NISCH: variants seen among roughly 807,000 people sequenced by gnomAD.
NISCH encodes I-1 receptor candidate protein.
A neutral mutation model predicts 138.4 loss-of-function variants in NISCH; 55 were observed. The ratio of observed to expected loss-of-function variants is 0.40; its 90% confidence interval spans 0.32 to 0.50. The LOEUF is 0.50. NISCH is among the 20% of genes least tolerant of loss of function. NISCH has a pLI of 0.71. For synonymous variants in NISCH, 860 were observed against 861.5 expected (o/e 1.00, Z 0.03); for missense variants, 1,643 against 2,005.5 (o/e 0.82, Z 3.45).
At chr3:52,489,128 C>T (rs1707492371) in intron 16 of NISCH, among the ~76,000 whole-genome samples, 1 of 152,226 alleles carries the variant, frequency 6.6e-6, no homozygotes, top group African/African-American at 2.4e-5. Context: ...CAATCCTCCG[C>T]CTCAGCCTCC....
chr3:52,469,378 T>G (rs1706877000), intron 3 of NISCH, among the ~76,000 whole-genome samples: 1 of 152,236 alleles, frequency 6.6e-6, no homozygotes. Context: ...GGCCAAGGGC[T>G]TGAGTGTGGC....
At chr3:52,490,348 C>A in intron 18 of NISCH, 117 bp downstream of exon 18, 1 of 1,178,364 alleles carries the variant, frequency 8.5e-7, no homozygotes, top group Non-Finnish European at 1.2e-6. Flanking sequence ...GACTTGGCTG[C>A]AGTGGGCTGA....
Position 52,488,479 on chromosome 3 carries a change from G to A in NISCH, c.2987G>A (p.Arg996His), listed in dbSNP as rs528293970. Residue 996 changes from arginine (R) to histidine (H), a missense_variant, in exon 16 of 21, where the codon CGC becomes CAC. Transcript: ENST00000345716. ...CCCCACGAGAAGTTCCACTTCCTGC[G>A]CGTCTACAACCAGCTGCGGGCCTCG... Reference protein sequence around the residue: ...VLPHEKFHFLRVYNQLRASLQ... With the variant: ...VLPHEKFHFLHVYNQLRASLQ... 9.9e-6 allele frequency: 16 copies of A among 1,613,508 alleles called. No homozygotes were observed. Among genetic ancestry groups the A allele is most frequent in the East Asian group, 2.2e-5 (1 of 44,872 alleles).
At chr3:52,476,831 C>G (rs941122807) in intron 8 of NISCH, among the ~76,000 whole-genome samples, 14 of 151,960 alleles carry the variant, frequency 9.2e-5, no homozygotes, top group African/African-American at 3.4e-4. Context: ...GTCAGGAGTT[C>G]GAGACCAGCC....
At chr3:52,468,451 G>T (rs890981814) in intron 3 of NISCH, among the ~76,000 whole-genome samples, 1 of 152,210 alleles carries the variant, frequency 6.6e-6, no homozygotes, top group African/African-American at 2.4e-5. Flanking sequence ...AGGGAGGATT[G>T]CGAAGTACAG....
chr3:52,460,168 G>A (rs530018855), intron 3 of NISCH, among the ~76,000 whole-genome samples: 46 of 103,910 alleles, frequency 4.4e-4, no homozygotes, highest in Non-Finnish European at 6.4e-4. Context: ...GCAACAGAGT[G>A]AGAGTAAGAC....
chr3:52,486,828 G>A (rs1707413492), intron 15 of NISCH, among the ~76,000 whole-genome samples: 1 of 152,260 alleles, frequency 6.6e-6, no homozygotes, highest in Non-Finnish European at 1.5e-5. Flanking sequence ...GGGGTGACAA[G>A]TAGATTCATG....
rs764759991 is a variant in NISCH at position 52,457,972 on chromosome 3, C to T, written c.177+46C>T. 7.7e-6 allele frequency: 11 copies of T among 1,431,008 alleles called. No homozygotes were observed. In the Admixed American group the frequency reaches 8.4e-5, roughly 11 times the overall value. 88.6% of individuals were successfully genotyped at this position (1,431,008 alleles called of 1,614,324 possible). The stretch of plus-strand genomic sequence containing the variant: ...GCACGTATCTCAGGGCTGGGGGACC[C>T]GTAGGCCAACTTTCCATTGTGCCAC... On this transcript the variant is annotated intron_variant, in intron 2 of 20. Coordinates refer to ENST00000345716, the MANE Select transcript of NISCH (RefSeq NM_007184.4).
intron 3 of NISCH, among the ~76,000 whole-genome samples, chr3:52,460,775 G>C (rs75009012): frequency 6.6e-6 from 1 of 152,092 alleles, no homozygotes; most frequent in Non-Finnish European, 1.5e-5. Flanking sequence ...GAAGGTTTAC[G>C]TATACCAAAA....
chr3:52,461,043 C>T (rs755183698), intron 3 of NISCH, among the ~76,000 whole-genome samples: 7 of 152,172 alleles, frequency 4.6e-5, no homozygotes, highest in Non-Finnish European at 1.0e-4. Flanking sequence ...AGTTCGAGAC[C>T]AGCCTGGCCA....
intron 18 of NISCH, 133 bp downstream of exon 18, chr3:52,490,364 C>A: frequency 2.0e-6 from 2 of 1,024,464 alleles, no homozygotes; most frequent in Admixed American, 2.2e-5. Flanking sequence ...GCTGAGAGTT[C>A]CTTGTCTGAG....
At position 52,489,521 on chromosome 3, in the gene NISCH, C is replaced by A. The variant is rs1436770076; in HGVS notation, c.3299C>A (p.Ala1100Asp). Residue 1100 changes from alanine to aspartate, a missense_variant, in exon 17 of 21, where the codon GCC becomes GAC. Physicochemically the swap from Ala to Asp is moderately radical, Grantham distance 126. Coordinates refer to ENST00000345716, the MANE Select transcript of NISCH (RefSeq NM_007184.4). ...GTGGAAGCTCCAGCCCCACCCCCAG[C>A]CGAGGCCCCTGCCCAGTACCCGAGT... ...TPVEAPAPPP[A>D]EAPAQYPSEH... The A allele has an allele frequency of 6.2e-7, 1 of 1,613,112 alleles. No homozygotes were observed.
In NISCH at chr3:52,488,362, G is replaced by A; in HGVS notation, c.2870G>A (p.Arg957His). 4 of 1,613,672 alleles carry A rather than the reference G, an allele frequency of 2.5e-6. No individual in the cohort carries two copies. In the Admixed American group the frequency reaches 5.0e-5, roughly 20 times the overall value. ...TCCACCGTGCTGCTGGACCCCACAC[G>A]CAGCTGTACCCAGCCTCGGGGCGCC... ...PLSTVLLDPTRSCTQPRGAFA... is the reference protein window; with the variant it reads ...PLSTVLLDPTHSCTQPRGAFA... The change falls in exon 16 of 21, where the codon CGC (arginine) becomes CAC (histidine). Residue 957 changes from arginine to histidine, a missense_variant. Arg to His is a conservative substitution (Grantham distance 29, BLOSUM62 0). Coordinates refer to ENST00000345716, the MANE Select transcript of NISCH (RefSeq NM_007184.4).
At chr3:52,478,405 T>G in intron 10 of NISCH, 44 bp from the exon 11 acceptor site, 1 of 1,612,490 alleles carries the variant, frequency 6.2e-7, no homozygotes, top group Non-Finnish European at 8.5e-7. Context: ...GTTGCTGAAG[T>G]GTTAAGAGAA....
intron 5 of NISCH, 34 bp downstream of exon 5, chr3:52,472,011 C>T (rs773426221): frequency 1.1e-5 from 17 of 1,544,066 alleles, no homozygotes; most frequent in East Asian, 6.8e-5. Context: ...TGGAGAGCCC[C>T]GCAGTCGGTG....
Position 52,489,561 on chromosome 3 carries a change from G to T in NISCH, c.3339G>T (p.Gln1113His). ...AGTACCCGAGTGAGCACCTCATCCA[G>T]GCCACCTCGGAGGAGAATCAGATCC... ...PAQYPSEHLIQATSEENQIPS... is the reference protein window; with the variant it reads ...PAQYPSEHLIHATSEENQIPS... The change falls in exon 17 of 21, where the codon CAG becomes CAT. Residue 1113 changes from glutamine to histidine, a missense_variant. Gln to His is a conservative substitution (Grantham distance 24). Transcript: ENST00000345716. 6.2e-7 allele frequency: 1 copy of T among 1,613,260 alleles called. No individual in the cohort carries two copies. The highest frequency in any genetic ancestry group is 8.5e-7 in the Non-Finnish European group (1 of 1,179,990).
At chr3:52,489,314 TG>T (rs1559644053) in intron 16 of NISCH, 21 bp from the exon 17 acceptor site, 2 of 1,601,306 alleles carry the variant, frequency 1.2e-6, no homozygotes, top group Non-Finnish European at 8.5e-7. Flanking sequence ...GCTGTTAATA[TG>T]GTGTTTTTCG....
rs781120546 is a variant in NISCH at position 52,487,889 on chromosome 3, C to G, written c.2397C>G (p.Asn799Lys). The change falls in exon 16 of 21, where the codon AAC becomes AAG. Residue 799 changes from asparagine to lysine, a missense_variant. Coordinates refer to ENST00000345716, the MANE Select transcript of NISCH (RefSeq NM_007184.4). The surrounding 1 kb of genome is among the most constrained non-coding windows in gnomAD (Gnocchi z 9.1). ...NTLFIISDAA[N>K]LHEFHADLRS... ...TCTTCATTATCTCGGACGCCGCCAA[C>G]CTGCACGAGTTCCACGCGGACCTGC... The G allele has an allele frequency of 6.2e-7, 1 of 1,612,356 alleles. No individual in the cohort carries two copies. The highest frequency in any genetic ancestry group is 8.5e-7 in the Non-Finnish European group (1 of 1,179,958).
At chr3:52,461,883 T>TA (rs1470603067) in intron 3 of NISCH, among the ~76,000 whole-genome samples, 2 of 149,204 alleles carry the variant, frequency 1.3e-5, no homozygotes, top group Non-Finnish European at 3.0e-5. Context: ...AAAAAAGAAA[T>TA]ATTGTATTTT....
Sources: allele counts gnomAD v4.1 joint callset (sites outside exome capture counted in the v4.1 genomes callset), GRCh38; gene constraint gnomAD v4.1.1; non-coding constraint Gnocchi (gnomAD v3.1); transcripts MANE v1.5; gene names NCBI Gene and HGNC (gene_info 2026-07-23, HGNC 2026-07-21).